The following RBM47 variants were observed in gnomAD, a reference collection of about 807,000 sequenced individuals.
The protein encoded by RBM47 is RNA-binding protein 47.
Under a neutral mutation model 47.1 loss-of-function variants are expected in RBM47, and 21 were observed. The observed-to-expected ratio is 0.45, with a 90% confidence interval of 0.32 to 0.64. The LOEUF is 0.64. Ranked by LOEUF, RBM47 falls within the 30% of genes least tolerant of loss-of-function variation. RBM47 has a pLI of 0.05. For missense variants in RBM47, 708 were observed against 870.9 expected (o/e 0.81, Z 2.35); for synonymous variants, 375 against 361.7 (o/e 1.04, Z -0.42).
intron 2 of RBM47, among the ~76,000 whole-genome samples, chr4:40,540,665 A>T (rs1728442847): frequency 6.7e-6 from 1 of 148,416 alleles, no homozygotes; most frequent in Non-Finnish European, 1.5e-5. Flanking sequence ...AATAATAATA[A>T]TAATAATAAT....
chr4:40,499,730 A>T (rs926197492), intron 2 of RBM47, among the ~76,000 whole-genome samples: 3 of 152,244 alleles, frequency 2.0e-5, no homozygotes, highest in Non-Finnish European at 4.4e-5. Context: ...TTAAAAAATT[A>T]AGTTCTATGA....
intron 4 of RBM47, chr4:40,436,862 CA>C: frequency 1.5e-6 from 1 of 685,100 alleles, no homozygotes; most frequent in Non-Finnish European, 2.7e-6. Context: ...GGCAAACTTG[CA>C]GGGTGAGTTT....
At chr4:40,621,013 A>C (rs1737218825) in intron 1 of RBM47, among the ~76,000 whole-genome samples, 1 of 152,142 alleles carries the variant, frequency 6.6e-6, no homozygotes, top group African/African-American at 2.4e-5. Flanking sequence ...CAAACAAAAA[A>C]AAAAAACCCA....
At chr4:40,492,775 C>CTGTG (rs4035484) in intron 2 of RBM47, among the ~76,000 whole-genome samples, 6,462 of 150,510 alleles carry the variant, frequency 0.043, 289 homozygotes, top group African/African-American at 0.12. Context: ...CCATCATGAC[C>CTGTG]TGTGTGTGTG....
intron 2 of RBM47, among the ~76,000 whole-genome samples, chr4:40,479,975 A>AT (rs71647000): frequency 0.3 from 34,740 of 117,260 alleles, 9,213 homozygotes; most frequent in African/African-American, 0.7. Context: ...TATCATCTCC[A>AT]TTTTTTTTTT....
chr4:40,434,002 G>GGGGTGTATGTGT lies in RBM47; in HGVS notation c.1331-1141_1331-1140insACACATACACCC, dbSNP rs1213913858. On this transcript the variant is annotated intron_variant, in intron 5 of 6. Transcript: ENST00000295971. ...TGTGAGTGTGTGTGTGTGGGGCGGG[G>GGGGTGTATGTGT]GTGTGTGTGTGTGTGTGTGTGTGTG... is the stretch of plus-strand genomic sequence containing the variant. Among the ~76,000 whole-genome samples, 417 of 45,706 alleles carry GGGGTGTATGTGT rather than the reference G, an allele frequency of 9.1e-3. 89 individuals carry two copies. The highest frequency in any genetic ancestry group is 0.021 in the African/African-American group (400 of 19,138). The allele number at this position is 45,706 out of a possible 152,430, so 30.0% of individuals were successfully genotyped here.
chr4:40,457,151 G>C (rs1263256531), intron 3 of RBM47, among the ~76,000 whole-genome samples: 1 of 151,676 alleles, frequency 6.6e-6, no homozygotes, highest in Non-Finnish European at 1.5e-5. Flanking sequence ...CGGGCGTGGT[G>C]GCTCACGCCT....
At chr4:40,486,069 CAAAAAAAAAAAAAAAA>C (rs201408070) in intron 2 of RBM47, among the ~76,000 whole-genome samples, 15,555 of 63,144 alleles carry the variant, frequency 0.25, 1,237 homozygotes, top group East Asian at 0.42. Flanking sequence ...AACCCTGTTT[CAAAAAAAAAAAAAAAA>C]AAAAAAAAAA....
chr4:40,452,169 C>CA (rs746940543), intron 3 of RBM47, among the ~76,000 whole-genome samples: 419 of 107,714 alleles, frequency 3.9e-3, no homozygotes, highest in East Asian at 8.5e-3. Flanking sequence ...GACTCCATCT[C>CA]AAAAAAAAAA....
At chr4:40,557,341 AC>A (rs1193464365) in intron 1 of RBM47, among the ~76,000 whole-genome samples, 1 of 152,154 alleles carries the variant, frequency 6.6e-6, no homozygotes, top group Non-Finnish European at 1.5e-5. Flanking sequence ...TTGTTCACTG[AC>A]TGGCTGTTCC....
At chr4:40,623,794 T>C (rs1248817802) in intron 1 of RBM47, among the ~76,000 whole-genome samples, 2 of 152,174 alleles carry the variant, frequency 1.3e-5, no homozygotes, top group Non-Finnish European at 2.9e-5. Context: ...TATTGGCAAC[T>C]CTCAGCCTTT....
intron 3 of RBM47, among the ~76,000 whole-genome samples, chr4:40,458,449 C>T (rs1716615470): frequency 6.6e-6 from 1 of 152,162 alleles, no homozygotes; most frequent in Non-Finnish European, 1.5e-5. Flanking sequence ...AGTAGAATAG[C>T]ATTCGCCCAG....
chr4:40,580,045 A>T (rs1324164320), intron 1 of RBM47, among the ~76,000 whole-genome samples: 1 of 152,140 alleles, frequency 6.6e-6, no homozygotes, highest in African/African-American at 2.4e-5. Context: ...GGAGTGAGCC[A>T]CCGCTTCCGG....
At chr4:40,464,715 G>A (rs922735156) in intron 3 of RBM47, among the ~76,000 whole-genome samples, 3 of 151,162 alleles carry the variant, frequency 2.0e-5, no homozygotes, top group Non-Finnish European at 3.0e-5. Flanking sequence ...GTGAAACCCC[G>A]TCTCTATTAA....
intron 2 of RBM47, among the ~76,000 whole-genome samples, chr4:40,469,297 GA>G (rs1010750280): frequency 2.0e-5 from 3 of 152,126 alleles, no homozygotes; most frequent in African/African-American, 7.2e-5. Flanking sequence ...AAAAGGGAAA[GA>G]AGGATCACAG....
chr4:40,569,749 C>T (rs1175812303), intron 1 of RBM47, among the ~76,000 whole-genome samples: 3 of 146,720 alleles, frequency 2.0e-5, no homozygotes, highest in Non-Finnish European at 4.5e-5. Flanking sequence ...CTCGCTCTGT[C>T]GCCCAGGTTG....
At chr4:40,535,485 C>A (rs1430752479) in intron 2 of RBM47, among the ~76,000 whole-genome samples, 4 of 151,410 alleles carry the variant, frequency 2.6e-5, no homozygotes, top group African/African-American at 9.7e-5. Flanking sequence ...GATTCTCCTG[C>A]CTCAGCCTCC....
At chr4:40,483,335 A>C (rs1454768514) in intron 2 of RBM47, among the ~76,000 whole-genome samples, 1 of 152,186 alleles carries the variant, frequency 6.6e-6, no homozygotes, top group African/African-American at 2.4e-5. Flanking sequence ...CTAGACCCCG[A>C]AGATTGGATG....
chr4:40,454,879 T>C (rs1177567129), intron 3 of RBM47, among the ~76,000 whole-genome samples: 1 of 152,134 alleles, frequency 6.6e-6, no homozygotes, highest in Non-Finnish European at 1.5e-5. Flanking sequence ...GTCAATCTGA[T>C]GACAAAGCCA....
Sources: allele counts gnomAD v4.1 joint callset (sites outside exome capture counted in the v4.1 genomes callset), GRCh38; gene constraint gnomAD v4.1.1; transcripts MANE v1.5; gene names NCBI Gene and HGNC (gene_info 2026-07-23, HGNC 2026-07-21).